Variants in ANXA4 observed in about 807,000 individuals in gnomAD.
ANXA4 encodes 35-beta calcimedin.
In ANXA4, 39 loss-of-function variants were observed where a neutral mutation model predicts 49.8. The ratio of observed to expected loss-of-function variants is 0.78; its 90% CI spans 0.61 to 1.02. The LOEUF is 1.02. ANXA4 is among the 50% of genes least tolerant of loss of function. The pLI, the probability that ANXA4 is intolerant of heterozygous loss-of-function variation, is 0.00. For synonymous variants in ANXA4, 134 were observed against 152.5 expected (o/e 0.88, Z 0.89); for missense variants, 360 against 410.1 (o/e 0.88, Z 1.05).
At chr2:69,658,277 G>A (rs1033021255) in intron 2 of ANXA4, among the ~76,000 whole-genome samples, 8 of 151,630 alleles carry the variant, frequency 5.3e-5, no homozygotes, top group East Asian at 3.9e-4. Flanking sequence ...GCACACTCCC[G>A]TAATCCCAGC....
intron 1 of ANXA4, among the ~76,000 whole-genome samples, chr2:69,753,474 T>C (rs115932558): frequency 0.016 from 2,421 of 152,290 alleles, 36 homozygotes; most frequent in Non-Finnish European, 0.025. Context: ...TTGAGAACTT[T>C]CCTCAGGTAA....
chr2:69,785,252 G>C (rs1167991134), intron 2 of ANXA4, among the ~76,000 whole-genome samples: 3 of 152,216 alleles, frequency 2.0e-5, no homozygotes, highest in African/African-American at 7.2e-5. Context: ...CTATGGGCCT[G>C]AGAGGTCCAG....
At chr2:69,777,671 C>G (rs893864401) in intron 1 of ANXA4, among the ~76,000 whole-genome samples, 4 of 152,246 alleles carry the variant, frequency 2.6e-5, no homozygotes, top group African/African-American at 9.6e-5. Context: ...CCTTCAAACA[C>G]AGTAAGCCAA....
At chr2:69,725,261 G>A (rs533166464) in intron 3 of ANXA4, among the ~76,000 whole-genome samples, 23 of 151,534 alleles carry the variant, frequency 1.5e-4, no homozygotes, top group African/African-American at 5.6e-4. Flanking sequence ...TATCATTTTA[G>A]CATTAATCAT....
rs968167146 is a variant in ANXA4, at chr2:69,696,115, G to A, written n.767-24659G>A. On this transcript the variant is annotated intron_variant and non_coding_transcript_variant, in intron 2 of 3. Transcript: ENST00000418066. ...CTCTCACAAAAGATTTCTCTGTATT[G>A]TGAGATGCTGTTTGATAGCATTTTG... Among the ~76,000 whole-genome samples the A allele has an allele frequency of 3.3e-5, 5 of 152,204 alleles. No homozygotes were observed. The South Asian group carries it at 8.3e-4, about 25-fold the overall frequency.
chr2:69,737,116 T>G (rs1573168674), upstream of ANXA4, among the ~76,000 whole-genome samples: 1 of 152,230 alleles, frequency 6.6e-6, no homozygotes, highest in East Asian at 1.9e-4. Flanking sequence ...TCTCAGCATT[T>G]TAAAGACATT....
At chr2:69,692,111 C>T (rs1192263086) in intron 2 of ANXA4, among the ~76,000 whole-genome samples, 1 of 152,152 alleles carries the variant, frequency 6.6e-6, no homozygotes, top group Non-Finnish European at 1.5e-5. Flanking sequence ...TCTTGAACTC[C>T]TGACCTCAGG....
intron 2 of ANXA4, among the ~76,000 whole-genome samples, chr2:69,681,042 C>G (rs1677580634): frequency 6.6e-6 from 1 of 152,112 alleles, no homozygotes. Flanking sequence ...GAAGAATTCT[C>G]TCCTCTTCAC....
intron 1 of ANXA4, among the ~76,000 whole-genome samples, chr2:69,759,615 T>TTAATAATAACAA (rs1485999924): frequency 6.6e-6 from 1 of 152,114 alleles, no homozygotes; most frequent in Non-Finnish European, 1.5e-5. Context: ...ACAGTTTACT[T>TTAATAATAACAA]TAATAATAAC....
intron 2 of ANXA4, 78 bp from the exon 3 acceptor site, chr2:69,787,976 A>G (rs11683908): frequency 0.12 from 156,107 of 1,272,164 alleles, 11,945 homozygotes; most frequent in Non-Finnish European, 0.15. Flanking sequence ...TCAGTGCTCA[A>G]CAAATGTTTG....
intron 2 of ANXA4, among the ~76,000 whole-genome samples, chr2:69,698,827 C>T (rs1678241400): frequency 1.3e-5 from 2 of 152,142 alleles, no homozygotes; most frequent in Non-Finnish European, 2.9e-5. Flanking sequence ...ATTCATAAAG[C>T]TCTGCAAGAG....
chr2:69,818,396 C>A, intron 9 of ANXA4: 1 of 357,900 alleles, frequency 2.8e-6, no homozygotes, highest in Non-Finnish European at 5.2e-6. Flanking sequence ...CTCCAAACAT[C>A]ACAGCATTTC....
In ANXA4 at chr2:69,826,587, C is replaced by G. The variant is rs1674480332; in HGVS notation, c.*1072C>G. 6.6e-6 allele frequency: 1 copy of G among 152,164 alleles called. No individual in the cohort carries two copies. The highest frequency in any genetic ancestry group is 2.4e-5 in the African/African-American group (1 of 41,422). The allele number at this position is 152,164 out of a possible 1,614,324, so 9.4% of individuals were successfully genotyped here. On this transcript the variant is annotated 3_prime_UTR_variant, in exon 13 of 13. Coordinates refer to ENST00000394295, the MANE Select transcript of ANXA4 (RefSeq NM_001153.5). ...ATCACCTAAGGTCAGGAGTTCAAGACTAGCCTGGCCAACATGGAGAAACTG... is the reference window on the plus strand; with the variant it reads ...ATCACCTAAGGTCAGGAGTTCAAGAGTAGCCTGGCCAACATGGAGAAACTG...
Position 69,681,873 on chromosome 2 carries a change from G to A in ANXA4, n.766+28591G>A, listed in dbSNP as rs139455033. On this transcript the variant is annotated intron_variant and non_coding_transcript_variant, in intron 2 of 3. Coordinates refer to the ANXA4 transcript ENST00000418066. ...TTCCTTTGAGTCAGGGTCTTGCTCT[G>A]TTGCCCAGGCTGGAGTACAATGGCT... 1.7e-3 allele frequency among the ~76,000 whole-genome samples: 256 copies of A among 150,518 alleles called. 1 individual carries two copies. The highest frequency in any genetic ancestry group is 5.8e-3 in the African/African-American group (237 of 40,918).
rs201329765 is a variant in ANXA4, at chr2:69,802,571, C to T, written c.98-1962C>T. Among the ~76,000 whole-genome samples the T allele has an allele frequency of 1.4e-3, 217 of 152,064 alleles. 7 individuals are homozygous for T. The East Asian group carries it at 0.026, about 18-fold the overall frequency. ...ACTAAAAACACAAAAATTAGCTGGG[C>T]GTGGTGGCGTGCACCTGTAGTCCCA... is the stretch of plus-strand genomic sequence containing the variant. On this transcript the variant is annotated intron_variant, in intron 3 of 12. Coordinates refer to ENST00000394295, the MANE Select transcript of ANXA4 (RefSeq NM_001153.5).
chr2:69,799,957 G>A (rs1673117650), intron 3 of ANXA4, among the ~76,000 whole-genome samples: 2 of 152,214 alleles, frequency 1.3e-5, no homozygotes, highest in African/African-American at 4.8e-5. Context: ...AGAGATAGAT[G>A]CTTTCCATGG....
At chr2:69,759,858 A>G (rs1044697755) in intron 1 of ANXA4, among the ~76,000 whole-genome samples, 20 of 152,246 alleles carry the variant, frequency 1.3e-4, no homozygotes, top group African/African-American at 4.8e-4. Flanking sequence ...TTTGAGACGG[A>G]GTCTGGCTCT....
chr2:69,725,692 G>GT (rs1669946527), intron 3 of ANXA4, among the ~76,000 whole-genome samples: 1 of 152,118 alleles, frequency 6.6e-6, no homozygotes, highest in East Asian at 1.9e-4. Flanking sequence ...GTGGGTGAAG[G>GT]GAGTGTGTGG....
chr2:69,690,739 A>G (rs975821490), intron 2 of ANXA4, among the ~76,000 whole-genome samples: 1 of 152,208 alleles, frequency 6.6e-6, no homozygotes, highest in African/African-American at 2.4e-5. Flanking sequence ...AGTTCATTTA[A>G]AGGTAATTTC....
Sources: gnomAD v4.1 joint callset for allele counts (sites outside exome capture counted in the v4.1 genomes callset) on GRCh38, gnomAD v4.1.1 for gene constraint, MANE v1.5 for transcripts, NCBI Gene and HGNC (gene_info 2026-07-23, HGNC 2026-07-21) for gene names.